The following TENM3 variants were observed in gnomAD, a reference collection of about 807,000 sequenced individuals.
TENM3 encodes the protein teneurin transmembrane protein 3.
TENM3 carries 63 observed loss-of-function variants against 255.1 expected under a neutral mutation model. The ratio of observed to expected loss-of-function variants is 0.25; its 90% confidence interval spans 0.20 to 0.30. TENM3 has a LOEUF of 0.30. Ranked by LOEUF, TENM3 falls within the 10% of genes least tolerant of loss-of-function variation. The pLI is 1.00. For missense variants in TENM3, 2,929 were observed against 3,461.1 expected (o/e 0.85, Z 3.86); for synonymous variants, 1,306 against 1,322.3 (o/e 0.99, Z 0.27).
chr4:181,568,544 C>T, the TENM3 span, among the ~76,000 whole-genome samples: 1 of 152,124 alleles, frequency 6.6e-6, no homozygotes, highest in Admixed American at 6.6e-5. Flanking sequence ...CTCATGCTTC[C>T]TCTTGCCATT....
chr4:181,924,365 T>A, the TENM3 span, among the ~76,000 whole-genome samples: 1 of 152,198 alleles, frequency 6.6e-6, no homozygotes, highest in Non-Finnish European at 1.5e-5. Context: ...TTGTGTTTTG[T>A]GCCAGTTATC....
At chr4:181,561,213 C>G in the TENM3 span, among the ~76,000 whole-genome samples, 1 of 152,156 alleles carries the variant, frequency 6.6e-6, no homozygotes, top group Non-Finnish European at 1.5e-5. Context: ...CTCGGCCTCC[C>G]AAAGTGTTGG....
At chr4:182,468,247 G>A (rs76830895) in intron 3 of TENM3, among the ~76,000 whole-genome samples, 1 of 152,080 alleles carries the variant, frequency 6.6e-6, no homozygotes, top group Non-Finnish European at 1.5e-5. Flanking sequence ...TATTAAAAAG[G>A]CATTACATAA....
the TENM3 span, among the ~76,000 whole-genome samples, chr4:181,798,074 C>T: frequency 2.8e-5 from 4 of 142,988 alleles, no homozygotes; most frequent in South Asian, 2.4e-4. Context: ...GACATGTTAA[C>T]GCATATTTCA....
chr4:182,743,100 A>G, intron 18 of TENM3, 70 bp from the exon 19 acceptor site: 1 of 1,485,548 alleles, frequency 6.7e-7, no homozygotes, highest in Non-Finnish European at 9.1e-7. Flanking sequence ...TAAAACAATC[A>G]TGAACATGTT....
chr4:182,318,027 A>C (rs1762843881), intron 1 of TENM3, among the ~76,000 whole-genome samples: 1 of 152,206 alleles, frequency 6.6e-6, no homozygotes, highest in Non-Finnish European at 1.5e-5. Context: ...TTTAATCTAA[A>C]ATGTGTTGGT....
the TENM3 span, among the ~76,000 whole-genome samples, chr4:181,778,180 C>G: frequency 2.0e-5 from 3 of 152,082 alleles, no homozygotes; most frequent in South Asian, 4.1e-4. Context: ...TACATCCTTA[C>G]AATTTATATC....
At chr4:182,519,648 G>T (rs1487411534) in intron 3 of TENM3, among the ~76,000 whole-genome samples, 1 of 152,132 alleles carries the variant, frequency 6.6e-6, no homozygotes, top group Admixed American at 6.5e-5. Context: ...CAAGACCTGT[G>T]CTCTTTCTGC....
chr4:181,528,400 A>C, the TENM3 span, among the ~76,000 whole-genome samples: 3 of 152,192 alleles, frequency 2.0e-5, no homozygotes, highest in Non-Finnish European at 4.4e-5. Flanking sequence ...CTGTGACACT[A>C]TAGTCTTCGA....
At chr4:182,221,693 C>T (rs896026) in intron 1 of TENM3, among the ~76,000 whole-genome samples, 50,309 of 152,004 alleles carry the variant, frequency 0.33, 8,756 homozygotes, top group South Asian at 0.43. Context: ...TTAAATTAAT[C>T]AGAGGAAGAC....
chr4:182,638,540 A>T (rs1752041647), intron 5 of TENM3, among the ~76,000 whole-genome samples: 1 of 152,210 alleles, frequency 6.6e-6, no homozygotes, highest in African/African-American at 2.4e-5. Flanking sequence ...GACTCGAAGA[A>T]CAAGTATGTT....
At chr4:181,719,182 C>T in the TENM3 span, among the ~76,000 whole-genome samples, 304 of 151,056 alleles carry the variant, frequency 2.0e-3, 2 homozygotes, top group African/African-American at 6.7e-3. Context: ...GTCCGCAGTC[C>T]GGCCTGGGCG....
chr4:182,421,419 C>G (rs1770827087), intron 3 of TENM3, among the ~76,000 whole-genome samples: 1 of 152,122 alleles, frequency 6.6e-6, no homozygotes, highest in Non-Finnish European at 1.5e-5. Flanking sequence ...AACGTTTCTC[C>G]CCTTATTTCA....
chr4:181,757,315 CT>C, the TENM3 span, among the ~76,000 whole-genome samples: 1 of 152,162 alleles, frequency 6.6e-6, no homozygotes, highest in Non-Finnish European at 1.5e-5. Flanking sequence ...AATTCTCCCA[CT>C]GAGTTTCCAT....
At chr4:181,916,229 G>A in the TENM3 span, among the ~76,000 whole-genome samples, 5 of 152,092 alleles carry the variant, frequency 3.3e-5, no homozygotes, top group Non-Finnish European at 7.4e-5. Flanking sequence ...GATATTCTAG[G>A]CTAGATTAGT....
chr4:182,100,235 A>G, the TENM3 span, among the ~76,000 whole-genome samples: 100 of 151,410 alleles, frequency 6.6e-4, no homozygotes, highest in African/African-American at 2.3e-3. Flanking sequence ...AGGATCATAA[A>G]CCACCTTTTC....
the TENM3 span, among the ~76,000 whole-genome samples, chr4:181,779,170 C>T: frequency 2.0e-5 from 3 of 152,126 alleles, no homozygotes; most frequent in Non-Finnish European, 4.4e-5. Context: ...TCTGTTTTCA[C>T]TGCCTCTAGC....
At chr4:181,858,288 T>C in the TENM3 span, among the ~76,000 whole-genome samples, 3 of 152,206 alleles carry the variant, frequency 2.0e-5, no homozygotes, top group African/African-American at 4.8e-5. Context: ...CCAAATACTT[T>C]GCAAGATTTA....
At chr4:182,165,004 C>A (rs113902701) in intron 1 of TENM3, among the ~76,000 whole-genome samples, 41 of 152,304 alleles carry the variant, frequency 2.7e-4, no homozygotes, top group African/African-American at 9.1e-4. Context: ...AGGGAGCTTG[C>A]AGAGAACACT....
Sources: allele counts gnomAD v4.1 joint callset (sites outside exome capture counted in the v4.1 genomes callset), GRCh38; gene constraint gnomAD v4.1.1; transcripts MANE v1.5; gene names NCBI Gene and HGNC (gene_info 2026-07-23, HGNC 2026-07-21).